Variants in FLI1 observed in about 807,000 individuals in gnomAD.
The protein encoded by FLI1 is Fli-1 proto-oncogene, ETS transcription factor, also known as Friend leukemia integration 1 transcription factor.
FLI1 carries 13 observed loss-of-function variants against 53.1 expected under a neutral mutation model. The observed-to-expected ratio is 0.24, with a 90% CI of 0.16 to 0.39. The LOEUF (loss-of-function observed/expected upper bound fraction) is 0.39, where lower values mean the gene tolerates loss of function less well. Ranked by LOEUF, FLI1 falls within the 10% of genes least tolerant of loss-of-function variation. The probability of loss-of-function intolerance (pLI) is 1.00; values close to 1 mark genes in which losing one functional copy is unlikely to be tolerated. For missense variants in FLI1, 424 were observed against 600.5 expected (o/e 0.71, Z 3.07); for synonymous variants, 244 against 236.7 (o/e 1.03, Z -0.28).
chr11:128,791,963 C>A (rs1050573616), intron 5 of FLI1, among the ~76,000 whole-genome samples: 3 of 152,180 alleles, frequency 2.0e-5, no homozygotes, highest in African/African-American at 4.8e-5. Context: ...GGAGAGTGTA[C>A]CTTCTGCTCA....
rs375151134 is a variant in FLI1, at chr11:128,810,463, C to T, written c.834C>T (p.Ser278=). The T allele has an allele frequency of 3.2e-5, 51 of 1,591,288 alleles. No individual in the cohort carries two copies. In the South Asian group the frequency reaches 3.8e-4, roughly 12 times the overall value. The change falls in exon 9 of 9, where the codon AGC becomes AGT. Residue 278 remains serine, a synonymous_variant. Coordinates refer to ENST00000527786, the MANE Select transcript of FLI1 (RefSeq NM_002017.5). This position sits in a 1 kb window ranked among gnomAD's most constrained non-coding sequence, Gnocchi z 6.6. ...PTSSRLANPG[S]GQIQLWQFLL... ...CGTTTGCCTCACGGCGTGCAGGAAG[C>T]GGGCAGATCCAGCTGTGGCAATTCC...
At chr11:128,714,222 A>C (rs1053924291) in intron 1 of FLI1, among the ~76,000 whole-genome samples, 13 of 152,096 alleles carry the variant, frequency 8.5e-5, no homozygotes, top group Admixed American at 5.2e-4. Context: ...AAAAAAAAAA[A>C]AAAACGGCAA....
rs1939256699 is a variant in FLI1, at chr11:128,721,628, C to G, written c.18+27352C>G. Among the ~76,000 whole-genome samples the G allele has an allele frequency of 2.0e-5, 3 of 152,170 alleles. No individual in the cohort carries two copies. The South Asian group carries it at 6.2e-4, about 31-fold the overall frequency. On this transcript the variant is annotated intron_variant, in intron 1 of 8. Transcript: ENST00000527786. ...GCATGCCTGGCTCAAGCACACAGACCCACAGACCCTTGTGGTCAGGGAGTT... is the reference window on the plus strand; with the variant it reads ...GCATGCCTGGCTCAAGCACACAGACGCACAGACCCTTGTGGTCAGGGAGTT...
chr11:128,774,442 T>G (rs1016600747), intron 4 of FLI1, among the ~76,000 whole-genome samples: 1 of 152,222 alleles, frequency 6.6e-6, no homozygotes, highest in Non-Finnish European at 1.5e-5. Flanking sequence ...AATTCATATT[T>G]TCAGCTTTTA....
chr11:128,765,506 T>C (rs2135825808), intron 2 of FLI1, among the ~76,000 whole-genome samples: 1 of 152,314 alleles, frequency 6.6e-6, no homozygotes, highest in East Asian at 1.9e-4. Flanking sequence ...CCGGGGAGTG[T>C]GCCCTCCTGT....
intron 1 of FLI1, among the ~76,000 whole-genome samples, chr11:128,734,338 A>G (rs765296802): frequency 6.6e-6 from 1 of 152,240 alleles, no homozygotes; most frequent in Non-Finnish European, 1.5e-5. Flanking sequence ...GATCGAGCTG[A>G]GTACTCAGAT....
At chr11:128,690,414 C>T (rs1425867013), upstream of FLI1, among the ~76,000 whole-genome samples, 2 of 152,096 alleles carry the variant, frequency 1.3e-5, no homozygotes, top group East Asian at 1.9e-4. Flanking sequence ...GTCTGTTACC[C>T]CAGGGACCAG....
intron 1 of FLI1, among the ~76,000 whole-genome samples, chr11:128,706,463 C>A (rs1938549285): frequency 6.6e-6 from 1 of 152,128 alleles, no homozygotes; most frequent in Admixed American, 6.5e-5. Context: ...TCCCAAAGTA[C>A]CTATCACACA....
chr11:128,716,249 C>T (rs1281920422), intron 1 of FLI1, among the ~76,000 whole-genome samples: 1 of 152,088 alleles, frequency 6.6e-6, no homozygotes, highest in Non-Finnish European at 1.5e-5. Context: ...TCTCTCCCCA[C>T]CCCCTCCAAG....
intron 1 of FLI1, among the ~76,000 whole-genome samples, chr11:128,753,481 C>T (rs1188272605): frequency 2.0e-5 from 3 of 152,192 alleles, no homozygotes; most frequent in African/African-American, 7.2e-5. Context: ...GGTGAATTTG[C>T]ATGCTGGTGT....
At position 128,805,524 on chromosome 11, in the gene FLI1, A is replaced by C. The variant is rs924338812; in HGVS notation, c.721+93A>C. 6 of 776,668 alleles carry C rather than the reference A, an allele frequency of 7.7e-6. No homozygotes were observed. In the African/African-American group the frequency reaches 8.9e-5, roughly 12 times the overall value. The allele number at this position is 776,668 out of a possible 1,614,324, so 48.1% of individuals were successfully genotyped here. A position where few individuals can be genotyped will look rare whatever the true frequency, so the allele number is the denominator to read the frequency against. On this transcript the variant is annotated intron_variant, in intron 6 of 8. Coordinates refer to ENST00000527786, the MANE Select transcript of FLI1 (RefSeq NM_002017.5). ...CATGAGACACAGGAGAGCAGCAAGCATTTGTTTCCCTGCTTTTTGAGTAGA... is the reference window on the plus strand; with the variant it reads ...CATGAGACACAGGAGAGCAGCAAGCCTTTGTTTCCCTGCTTTTTGAGTAGA...
chr11:128,724,872 C>T lies in FLI1; in HGVS notation c.18+30596C>T, dbSNP rs186133066. On this transcript the variant is annotated intron_variant, in intron 1 of 8. Transcript: ENST00000527786. ...TTTCCCTTCCTTGGTAATATCACTA[C>T]GATTCTCTCTCCTCCCACTGGCCAA... 5.3e-5 allele frequency among the ~76,000 whole-genome samples: 8 copies of T among 152,256 alleles called. No homozygotes were observed. The East Asian group carries it at 7.7e-4, about 15-fold the overall frequency.
chr11:128,738,716 T>G (rs1010788486), intron 1 of FLI1, among the ~76,000 whole-genome samples: 1 of 152,224 alleles, frequency 6.6e-6, no homozygotes, highest in Non-Finnish European at 1.5e-5. Flanking sequence ...ATGCAATGAC[T>G]AAGAGCGCTT....
chr11:128,696,827 C>G (rs915331369), intron 1 of FLI1, among the ~76,000 whole-genome samples: 2 of 152,178 alleles, frequency 1.3e-5, no homozygotes, highest in Non-Finnish European at 1.5e-5. Context: ...TTTCAAAATA[C>G]CTGTGGGTCT....
At chr11:128,769,567 T>C (rs1351454924) in intron 3 of FLI1, among the ~76,000 whole-genome samples, 7 of 152,124 alleles carry the variant, frequency 4.6e-5, no homozygotes. Flanking sequence ...GCTGCCTCCC[T>C]GTGCTCTGGG....
In FLI1 at chr11:128,811,940, T is replaced by C. The variant is rs1189899774; in HGVS notation, c.*952T>C. ...ACCTCGGTCACAAAAGCAGTTTTAC[T>C]ATCGAATCAATCGCTGTTATTTTTT... On this transcript the variant is annotated 3_prime_UTR_variant, in exon 9 of 9. Transcript: ENST00000527786. The C allele has an allele frequency of 5.0e-6, 1 of 201,092 alleles. No homozygotes were observed. The highest frequency in any genetic ancestry group is 1.0e-5 in the Non-Finnish European group (1 of 97,436). The allele number at this position is 201,092 out of a possible 1,614,324, so 12.5% of individuals were successfully genotyped here.
At chr11:128,769,765 G>A (rs1941484886) in intron 3 of FLI1, among the ~76,000 whole-genome samples, 1 of 152,190 alleles carries the variant, frequency 6.6e-6, no homozygotes, top group South Asian at 2.1e-4. Context: ...CTAGGTGCCA[G>A]GCACCACGTA....
At chr11:128,807,505 G>C (rs1400634392) in intron 7 of FLI1, among the ~76,000 whole-genome samples, 1 of 152,142 alleles carries the variant, frequency 6.6e-6, no homozygotes, top group South Asian at 2.1e-4. Flanking sequence ...ACTGAGGCCC[G>C]GGGAGGTGAA....
At chr11:128,797,183 G>A (rs1294379345) in intron 5 of FLI1, among the ~76,000 whole-genome samples, 1 of 152,216 alleles carries the variant, frequency 6.6e-6, no homozygotes, top group African/African-American at 2.4e-5. Context: ...CAAGACCACA[G>A]ACTTGACAAT....
Sources: gnomAD v4.1 joint callset for allele counts (sites outside exome capture counted in the v4.1 genomes callset) on GRCh38, gnomAD v4.1.1 for gene constraint, Gnocchi (gnomAD v3.1) non-coding constraint, MANE v1.5 for transcripts, NCBI Gene and HGNC (gene_info 2026-07-23, HGNC 2026-07-21) for gene names.